UBE2O: variants seen among roughly 807,000 people sequenced by gnomAD.
UBE2O encodes the protein ubiquitin conjugating enzyme E2 O, also known as (E3-independent) E2 ubiquitin-conjugating enzyme.
Under a neutral mutation model 125.8 loss-of-function variants are expected in UBE2O, and 15 were observed. That is an observed-to-expected ratio of 0.12 (90% CI 0.08 to 0.18). The LOEUF is 0.18. UBE2O is among the 10% of genes least tolerant of loss of function. UBE2O has a pLI of 1.00. For missense variants in UBE2O, 1,280 were observed against 1,723.6 expected, an observed-to-expected ratio of 0.74 and a Z score of 4.56; for synonymous variants, 708 against 703.2, an observed-to-expected ratio of 1.01 and a Z score of -0.11.
chr17:76,402,577 TG>T lies in UBE2O; in HGVS notation c.686+24del, dbSNP rs769344537. ...CAAGAGGCTATCCTTCCCAAGCCGATGGCTCTCTGGTGGTGAGACTCTACCT... is the reference window on the plus strand; with the variant it reads ...CAAGAGGCTATCCTTCCCAAGCCGATGCTCTCTGGTGGTGAGACTCTACCT... On this transcript the variant is annotated intron_variant, in intron 4 of 17. Transcript: ENST00000319380. This position sits in a 1 kb window ranked among gnomAD's most constrained non-coding sequence, Gnocchi z 5.4. The T allele has an allele frequency of 1.9e-6, 3 of 1,602,850 alleles. No individual in the cohort carries two copies. Among genetic ancestry groups the T allele is most frequent in the Non-Finnish European group, 2.6e-6 (3 of 1,169,784 alleles).
chr17:76,399,359 G>A lies in UBE2O; in HGVS notation c.1628+90C>T. On this transcript the variant is annotated intron_variant, in intron 9 of 17. Coordinates refer to ENST00000319380, the MANE Select transcript of UBE2O (RefSeq NM_022066.4). This position sits in a 1 kb window ranked among gnomAD's most constrained non-coding sequence, Gnocchi z 6.9. The stretch of plus-strand genomic sequence containing the variant: ...CACTACAAGGCATGCAGAGGTGTGT[G>A]TGCGAGCGCAGGCACGCACACCGAG... The A allele has an allele frequency of 7.7e-7, 1 of 1,290,994 alleles. No homozygotes were observed. The highest frequency in any genetic ancestry group is 1.1e-6 in the Non-Finnish European group (1 of 911,512). 80.0% of individuals were successfully genotyped at this position (1,290,994 alleles called of 1,614,324 possible).
chr17:76,420,065 C>T (rs369654), intron 1 of UBE2O, among the ~76,000 whole-genome samples: 9,674 of 152,156 alleles, frequency 0.064, 376 homozygotes, highest in South Asian at 0.12. Context: ...GCTCATGATC[C>T]GGAGCCTCAC....
At chr17:76,413,337 C>T (rs1296691164) in intron 1 of UBE2O, among the ~76,000 whole-genome samples, 8 of 151,992 alleles carry the variant, frequency 5.3e-5, no homozygotes, top group African/African-American at 1.7e-4. Flanking sequence ...GAAAAAGCTG[C>T]GGAAATCGTA....
At chr17:76,439,897 C>T (rs61271197) in intron 1 of UBE2O, among the ~76,000 whole-genome samples, 3,733 of 152,282 alleles carry the variant, frequency 0.025, 77 homozygotes, top group African/African-American at 0.054. Flanking sequence ...TAGGCTCTCG[C>T]TCCCTTATGT....
chr17:76,402,774 C>T lies in UBE2O; in HGVS notation c.589-75G>A. ...GTCCAGGGCACAGATTCCTCTATGC[C>T]CCACCGAAGACAGGATGGGGGAGGA... On this transcript the variant is annotated intron_variant, in intron 3 of 17. Coordinates refer to ENST00000319380, the MANE Select transcript of UBE2O (RefSeq NM_022066.4). The surrounding 1 kb of genome is among the most constrained non-coding windows in gnomAD (Gnocchi z 5.4). 7.9e-7 allele frequency: 1 copy of T among 1,270,838 alleles called. No individual in the cohort carries two copies. The allele number at this position is 1,270,838 out of a possible 1,614,324, so 78.7% of individuals were successfully genotyped here. A position where few individuals can be genotyped will look rare whatever the true frequency, so the allele number is the denominator to read the frequency against.
At chr17:76,423,641 C>T (rs540272961) in intron 1 of UBE2O, among the ~76,000 whole-genome samples, 2 of 151,258 alleles carry the variant, frequency 1.3e-5, no homozygotes, top group Admixed American at 1.3e-4. Flanking sequence ...TGCAGTGAGC[C>T]GAGATCACAA....
In UBE2O at chr17:76,401,058, T is replaced by C. The variant is rs2072314226; in HGVS notation, c.847A>G (p.Lys283Glu). The C allele has an allele frequency of 6.2e-7, 1 of 1,613,724 alleles. No individual in the cohort carries two copies. Among genetic ancestry groups the C allele is most frequent in the African/African-American group, 1.3e-5 (1 of 74,920 alleles). The change falls in exon 6 of 18, where the codon AAG becomes GAG. Residue 283 changes from lysine to glutamate, a missense_variant. Coordinates refer to ENST00000319380, the MANE Select transcript of UBE2O (RefSeq NM_022066.4). Reference sequence around the variant, plus strand: ...TTGCTCTTGGTGCTGAGCACGGGCTTGACACCTGACAGCCACTGGACGCTG... The same window carrying C: ...TTGCTCTTGGTGCTGAGCACGGGCTCGACACCTGACAGCCACTGGACGCTG... ...FSSVQWLSGVKPVLSTKSKFR... is the reference protein window; with the variant it reads ...FSSVQWLSGVEPVLSTKSKFR...
At position 76,402,211 on chromosome 17, in the gene UBE2O, C is replaced by T; in HGVS notation, c.687-84G>A. 1 of 1,239,846 alleles carries T rather than the reference C, an allele frequency of 8.1e-7. No individual in the cohort carries two copies. The allele number at this position is 1,239,846 out of a possible 1,614,324, so 76.8% of individuals were successfully genotyped here. On this transcript the variant is annotated intron_variant, in intron 4 of 17. Transcript: ENST00000319380. This position sits in a 1 kb window ranked among gnomAD's most constrained non-coding sequence, Gnocchi z 5.4. ...TGCGATTCTGAGATGCCAATGCGCC[C>T]ACATGCCCTAAATAGCACAATTCGT...
rs1274874636 is a variant in UBE2O, at chr17:76,453,060, G to C, written c.82C>G (p.Pro28Ala). The stretch of plus-strand genomic sequence containing the variant: ...GGCGCCGGGACGGGGGCTGCGGCTG[G>C]GGCCGGGACTGCCTCCGGGGCTGGA... ...PAPAPEAVPA[P>A]AAAPVPAPAP... The change falls in exon 1 of 18, where the codon CCA (proline) becomes GCA (alanine). Residue 28 changes from proline to alanine, a missense_variant. By Grantham distance (27) the Pro-to-Ala change is conservative. Transcript: ENST00000319380. 7.5e-7 allele frequency: 1 copy of C among 1,333,656 alleles called. No individual in the cohort carries two copies. Among genetic ancestry groups the C allele is most frequent in the Non-Finnish European group, 9.7e-7 (1 of 1,026,664 alleles). 82.6% of individuals were successfully genotyped at this position (1,333,656 alleles called of 1,614,324 possible). A position where few individuals can be genotyped will look rare whatever the true frequency, so the allele number is the denominator to read the frequency against.
chr17:76,450,164 G>A (rs1020478787), intron 1 of UBE2O, among the ~76,000 whole-genome samples: 1 of 151,864 alleles, frequency 6.6e-6, no homozygotes, highest in Non-Finnish European at 1.5e-5. Flanking sequence ...GTCAATCTTG[G>A]TCTAATGGTC....
intron 1 of UBE2O, among the ~76,000 whole-genome samples, chr17:76,440,180 C>T (rs1175107060): frequency 1.3e-5 from 2 of 152,222 alleles, no homozygotes; most frequent in East Asian, 3.8e-4. Flanking sequence ...ATCTAAGTCT[C>T]TGAAGCAGTG....
intron 1 of UBE2O, among the ~76,000 whole-genome samples, chr17:76,408,908 T>A (rs2072469398): frequency 6.6e-6 from 1 of 152,112 alleles, no homozygotes; most frequent in Non-Finnish European, 1.5e-5. Context: ...AGATTTCAAC[T>A]GTCCTCATGG....
intron 1 of UBE2O, among the ~76,000 whole-genome samples, chr17:76,409,868 A>G (rs1166811287): frequency 6.6e-6 from 1 of 152,172 alleles, no homozygotes; most frequent in Admixed American, 6.5e-5. Context: ...GGGGATGCAG[A>G]CAGACAGACG....
At chr17:76,446,108 G>A (rs2073145948) in intron 1 of UBE2O, among the ~76,000 whole-genome samples, 1 of 152,222 alleles carries the variant, frequency 6.6e-6, no homozygotes, top group Admixed American at 6.5e-5. Flanking sequence ...TTTTAAATCA[G>A]CAACTCCCCA....
At position 76,390,721 on chromosome 17, in the gene UBE2O, T is replaced by C. The variant is rs2072092899; in HGVS notation, c.*222A>G. Reference sequence around the variant, plus strand: ...ATCGGCAACAGGGTTCCGATTTTCTTTGCCACAGGGGACCCGCCTGTTGAA... The same window carrying C: ...ATCGGCAACAGGGTTCCGATTTTCTCTGCCACAGGGGACCCGCCTGTTGAA... On this transcript the variant is annotated 3_prime_UTR_variant, in exon 18 of 18. Coordinates refer to ENST00000319380, the MANE Select transcript of UBE2O (RefSeq NM_022066.4). 1 of 445,024 alleles carries C rather than the reference T, an allele frequency of 2.2e-6. No homozygotes were observed. Among genetic ancestry groups the C allele is most frequent in the Non-Finnish European group, 4.0e-6 (1 of 252,878 alleles). The allele number at this position is 445,024 out of a possible 1,614,324, so 27.6% of individuals were successfully genotyped here.
At chr17:76,408,852 TA>T (rs913778645) in intron 1 of UBE2O, among the ~76,000 whole-genome samples, 11 of 151,764 alleles carry the variant, frequency 7.2e-5, no homozygotes, top group African/African-American at 2.7e-4. Flanking sequence ...GCTTGTAGTT[TA>T]AAAAAAAATT....
chr17:76,447,501 T>G (rs568358314), intron 1 of UBE2O, among the ~76,000 whole-genome samples: 1 of 152,302 alleles, frequency 6.6e-6, no homozygotes, highest in South Asian at 2.1e-4. Flanking sequence ...TCTTTGTAAT[T>G]TATAATCTCA....
Position 76,395,498 on chromosome 17 carries a change from G to A in UBE2O, c.2946+227C>T, listed in dbSNP as rs2072191043. 6.0e-6 allele frequency: 3 copies of A among 499,134 alleles called. No individual in the cohort carries two copies. Among genetic ancestry groups the A allele is most frequent in the Admixed American group, 3.7e-5 (1 of 27,138 alleles). The allele number at this position is 499,134 out of a possible 1,614,324, so 30.9% of individuals were successfully genotyped here. A position where few individuals can be genotyped will look rare whatever the true frequency, so the allele number is the denominator to read the frequency against. ...TGAGCCACTGCGCCCGGCCGAGAAAGTAATTTTTTAAAGGAGGGAGGAAAG... is the reference window on the plus strand; with the variant it reads ...TGAGCCACTGCGCCCGGCCGAGAAAATAATTTTTTAAAGGAGGGAGGAAAG... On this transcript the variant is annotated intron_variant, in intron 15 of 17. Transcript: ENST00000319380. The surrounding 1 kb of genome is among the most constrained non-coding windows in gnomAD (Gnocchi z 5.0).
intron 3 of UBE2O, among the ~76,000 whole-genome samples, chr17:76,403,997 C>T (rs1264254131): frequency 6.6e-6 from 1 of 151,904 alleles, no homozygotes; most frequent in Admixed American, 6.6e-5. Flanking sequence ...TAAGTCCATA[C>T]TGATAAAAAA....
Sources: allele counts gnomAD v4.1 joint callset (sites outside exome capture counted in the v4.1 genomes callset), GRCh38; gene constraint gnomAD v4.1.1; non-coding constraint Gnocchi (gnomAD v3.1); transcripts MANE v1.5; gene names NCBI Gene and HGNC (gene_info 2026-07-23, HGNC 2026-07-21).